Variants in CEPT1 observed in about 807,000 individuals in gnomAD.
CEPT1 encodes choline/ethanolamine phosphotransferase 1, also known as choline/ethanolaminephosphotransferase 1.
In CEPT1, 7 loss-of-function variants were observed where a neutral mutation model predicts 42.6. That is an observed-to-expected ratio of 0.16 (90% CI 0.09 to 0.31). The LOEUF is 0.31. CEPT1 is among the 10% of genes least tolerant of loss of function. The probability of loss-of-function intolerance (pLI) is 1.00; values close to 1 mark genes in which losing one functional copy is unlikely to be tolerated. For synonymous variants in CEPT1, 171 were observed against 171.9 expected (o/e 0.99, Z 0.04); for missense variants, 306 against 502.1 (o/e 0.61, Z 3.73).
intron 2 of CEPT1, among the ~76,000 whole-genome samples, chr1:111,153,763 T>C (rs1655408788): frequency 6.6e-6 from 1 of 152,202 alleles, no homozygotes; most frequent in South Asian, 2.1e-4. Flanking sequence ...CAAAAATCAG[T>C]TGGCTGTAAA....
chr1:111,180,890 A>T (rs996880243), intron 5 of CEPT1: 1 of 152,250 alleles, frequency 6.6e-6, no homozygotes, highest in Non-Finnish European at 1.5e-5. Context: ...GTGACCGGGC[A>T]TGGTGGCTCA....
At chr1:111,142,392 GTA>G (rs745507661) in intron 1 of CEPT1, among the ~76,000 whole-genome samples, 8 of 152,156 alleles carry the variant, frequency 5.3e-5, no homozygotes, top group Admixed American at 2.0e-4. Flanking sequence ...TTTCTTAAAG[GTA>G]TGGAATGTTA....
At chr1:111,172,078 T>C (rs1262576685) in intron 4 of CEPT1, among the ~76,000 whole-genome samples, 2 of 152,232 alleles carry the variant, frequency 1.3e-5, no homozygotes, top group African/African-American at 4.8e-5. Flanking sequence ...GATGTTCATG[T>C]ACCTTCATAG....
At chr1:111,163,475 T>A (rs918476292) in intron 4 of CEPT1, among the ~76,000 whole-genome samples, 1 of 151,948 alleles carries the variant, frequency 6.6e-6, no homozygotes, top group African/African-American at 2.4e-5. Context: ...AAAAATTTTT[T>A]AAAAATTAGC....
intron 4 of CEPT1, among the ~76,000 whole-genome samples, chr1:111,172,416 C>T (rs931590015): frequency 6.6e-6 from 1 of 152,044 alleles, no homozygotes; most frequent in Admixed American, 6.5e-5. Flanking sequence ...TACAGACATG[C>T]CAAATCCCTG....
intron 2 of CEPT1, among the ~76,000 whole-genome samples, chr1:111,155,241 T>G (rs1436215699): frequency 6.6e-6 from 1 of 152,152 alleles, no homozygotes; most frequent in Non-Finnish European, 1.5e-5. Context: ...ATCTACTTCG[T>G]CTAGGTTTTC....
At chr1:111,159,327 A>G in intron 2 of CEPT1, 53 bp from the exon 3 acceptor site, 2 of 1,553,276 alleles carry the variant, frequency 1.3e-6, no homozygotes, top group South Asian at 2.4e-5. Context: ...ATGTTAGTCA[A>G]ACATGGTAAC....
intron 4 of CEPT1, among the ~76,000 whole-genome samples, chr1:111,162,574 G>C (rs932265590): frequency 6.6e-6 from 1 of 152,168 alleles, no homozygotes; most frequent in Non-Finnish European, 1.5e-5. Context: ...AATAAAATGA[G>C]AACAGGAGAA....
chr1:111,171,105 G>A (rs1296312641), intron 4 of CEPT1, among the ~76,000 whole-genome samples: 6 of 152,138 alleles, frequency 3.9e-5, no homozygotes, highest in African/African-American at 9.7e-5. Context: ...TTCATAGAAT[G>A]CCATTTAAAT....
chr1:111,155,852 A>G (rs1365003207), intron 2 of CEPT1, among the ~76,000 whole-genome samples: 1 of 152,108 alleles, frequency 6.6e-6, no homozygotes. Context: ...TTTCATGTAC[A>G]TATATAACCC....
intron 5 of CEPT1, chr1:111,179,253 A>C (rs1375811209): frequency 1.3e-5 from 2 of 152,174 alleles, no homozygotes; most frequent in Admixed American, 6.5e-5. Context: ...AGTGAATTTC[A>C]TTACATTGTT....
chr1:111,153,162 T>C (rs1655376443), intron 2 of CEPT1, among the ~76,000 whole-genome samples: 2 of 152,160 alleles, frequency 1.3e-5, no homozygotes, highest in Admixed American at 1.3e-4. Context: ...TAACCACAAT[T>C]CTTCCCTTTA....
At chr1:111,158,136 G>A (rs911772820) in intron 2 of CEPT1, among the ~76,000 whole-genome samples, 3 of 152,214 alleles carry the variant, frequency 2.0e-5, no homozygotes, top group South Asian at 2.1e-4. Flanking sequence ...GAGGTGAAGA[G>A]TTCGACACCA....
At chr1:111,154,197 T>A (rs1420419344) in intron 2 of CEPT1, among the ~76,000 whole-genome samples, 4 of 25,906 alleles carry the variant, frequency 1.5e-4, no homozygotes, top group Non-Finnish European at 3.0e-4. Flanking sequence ...GTATTTTATT[T>A]TATTTTATTT....
intron 3 of CEPT1, 37 bp downstream of exon 3, chr1:111,159,564 A>C (rs774190255): frequency 1.0e-5 from 16 of 1,558,536 alleles, no homozygotes; most frequent in African/African-American, 1.4e-5. Context: ...GATTATTAAC[A>C]ATGGTTAAAC....
chr1:111,157,376 CTA>C (rs1655626071), intron 2 of CEPT1, among the ~76,000 whole-genome samples: 1 of 152,182 alleles, frequency 6.6e-6, no homozygotes, highest in Non-Finnish European at 1.5e-5. Context: ...TGGGCATGTT[CTA>C]TGTCTGTGAG....
intron 4 of CEPT1, chr1:111,167,016 T>A (rs1656176863): frequency 2.1e-6 from 1 of 485,640 alleles, no homozygotes. Flanking sequence ...TGCTACTTTT[T>A]AAATCTATTT....
intron 2 of CEPT1, among the ~76,000 whole-genome samples, chr1:111,151,131 T>G (rs1655249794): frequency 6.6e-6 from 1 of 150,394 alleles, no homozygotes; most frequent in African/African-American, 2.4e-5. Flanking sequence ...TTTGTTTGTT[T>G]TTTTTTTTTT....
rs78694489 is a variant in CEPT1 at position 111,140,795 on chromosome 1, G to C, written c.-74+488G>C. 6.0e-3 allele frequency among the ~76,000 whole-genome samples: 920 copies of C among 152,314 alleles called. 10 individuals carry two copies. Among genetic ancestry groups the C allele is most frequent in the African/African-American group, 0.021 (863 of 41,568 alleles). On this transcript the variant is annotated intron_variant, in intron 1 of 8. Transcript: ENST00000357172. ...TAGGAATGCGGTGCTGATGTTTGTG[G>C]CTGGGACGCGCTTCTGGTCAGCAAC...
Sources: gnomAD v4.1 joint callset for allele counts (sites outside exome capture counted in the v4.1 genomes callset) on GRCh38, gnomAD v4.1.1 for gene constraint, MANE v1.5 for transcripts, NCBI Gene and HGNC (gene_info 2026-07-23, HGNC 2026-07-21) for gene names.